The following SCML4 variants were observed in gnomAD, a reference collection of about 807,000 sequenced individuals.
SCML4 encodes the protein sex comb on midleg-like protein 4.
A neutral mutation model predicts 41.1 loss-of-function variants in SCML4; 34 were observed. That is an observed-to-expected ratio of 0.83 (90% CI 0.63 to 1.10). SCML4 has a LOEUF of 1.10. SCML4 is among the 50% of genes least tolerant of loss of function. The probability of loss-of-function intolerance (pLI) is 0.00; values close to 1 mark genes in which losing one functional copy is unlikely to be tolerated. For missense variants in SCML4, 522 were observed against 534.1 expected (o/e 0.98, Z 0.22); for synonymous variants, 214 against 220.9 (o/e 0.97, Z 0.28).
At chr6:107,776,510 A>G (rs1391525038) in intron 1 of SCML4, among the ~76,000 whole-genome samples, 1 of 152,232 alleles carries the variant, frequency 6.6e-6, no homozygotes, top group Admixed American at 6.5e-5. Flanking sequence ...CAACTCCCCC[A>G]AAAAGTAAAT....
At chr6:107,839,912 T>A in the SCML4 span, among the ~76,000 whole-genome samples, 1 of 152,040 alleles carries the variant, frequency 6.6e-6, no homozygotes, top group Admixed American at 6.5e-5. Flanking sequence ...TTTAAATATC[T>A]AAGTTGTAAT....
intron 1 of SCML4, among the ~76,000 whole-genome samples, chr6:107,792,162 G>A (rs1443763115): frequency 6.6e-6 from 1 of 152,186 alleles, no homozygotes; most frequent in Non-Finnish European, 1.5e-5. Flanking sequence ...GGATAACACT[G>A]TTGGGTAGAA....
chr6:107,747,042 C>T (rs559392481), intron 3 of SCML4, among the ~76,000 whole-genome samples, 153 bp from the exon 4 acceptor site: 2 of 152,324 alleles, frequency 1.3e-5, no homozygotes, highest in African/African-American at 4.8e-5. Context: ...TTCTTCCCAA[C>T]TTAAGAAGTA....
intron 1 of SCML4, among the ~76,000 whole-genome samples, chr6:107,801,302 G>A (rs1783103065): frequency 6.6e-6 from 1 of 152,018 alleles, no homozygotes; most frequent in African/African-American, 2.4e-5. Context: ...TTATACACAC[G>A]ATTCCCAACT....
intron 5 of SCML4, among the ~76,000 whole-genome samples, chr6:107,733,342 A>C (rs151210177): frequency 5.3e-5 from 8 of 152,340 alleles, no homozygotes; most frequent in African/African-American, 1.4e-4. Flanking sequence ...AGTAGCTAGG[A>C]TAGATCTGGT....
chr6:107,751,585 T>A (rs1286769082), intron 2 of SCML4, among the ~76,000 whole-genome samples: 1 of 105,510 alleles, frequency 9.5e-6, no homozygotes, highest in Non-Finnish European at 2.0e-5. Context: ...TTTCTTTCTT[T>A]CTTTCTTTCT....
chr6:107,719,865 ATACTC>A, intron 6 of SCML4: 1 of 982,550 alleles, frequency 1.0e-6, no homozygotes. Flanking sequence ...ATTATCCACT[ATACTC>A]TATGGCCTTT....
intron 1 of SCML4, among the ~76,000 whole-genome samples, chr6:107,784,010 A>T (rs1042004600): frequency 1.3e-5 from 2 of 152,096 alleles, no homozygotes; most frequent in African/African-American, 4.8e-5. Flanking sequence ...AGCTGCAGGG[A>T]CAGTGGCTGA....
chr6:107,717,437 G>A (rs1263365261), intron 6 of SCML4, among the ~76,000 whole-genome samples: 1 of 152,220 alleles, frequency 6.6e-6, no homozygotes, highest in Admixed American at 6.5e-5. Context: ...TCTCCAAAGA[G>A]GTTAGGTGGC....
chr6:107,757,762 T>C (rs1779232633), intron 2 of SCML4, among the ~76,000 whole-genome samples: 1 of 152,236 alleles, frequency 6.6e-6, no homozygotes, highest in African/African-American at 2.4e-5. Flanking sequence ...AGTATTATTA[T>C]TGTTACTTTT....
chr6:107,731,349 C>T (rs1776523933), intron 5 of SCML4, among the ~76,000 whole-genome samples: 1 of 152,196 alleles, frequency 6.6e-6, no homozygotes, highest in South Asian at 2.1e-4. Flanking sequence ...CAAATGAAGT[C>T]CTGAAACACA....
the SCML4 span, among the ~76,000 whole-genome samples, chr6:107,835,932 C>G: frequency 1.3e-5 from 2 of 152,092 alleles, no homozygotes; most frequent in Non-Finnish European, 2.9e-5. Context: ...AAGGTGTCCA[C>G]AGAAGTGAGA....
the SCML4 span, among the ~76,000 whole-genome samples, chr6:107,841,285 C>A: frequency 2.0e-5 from 3 of 152,150 alleles, no homozygotes; most frequent in Non-Finnish European, 2.9e-5. Flanking sequence ...CACTGGAAGA[C>A]CTCATTTCTA....
rs75314058 is a variant in SCML4, at chr6:107,748,488, A to G, written c.286+1196T>C. Among the ~76,000 whole-genome samples, 783 of 152,326 alleles carry G rather than the reference A, an allele frequency of 5.1e-3. 12 individuals carry two copies. In the East Asian group the frequency reaches 0.064, roughly 12 times the overall value. Reference sequence around the variant, plus strand: ...TTACTGATTTACTAATGAAGAAACTAAGGCTTAAAGAAGTTAGTAGACTGC... The same window carrying G: ...TTACTGATTTACTAATGAAGAAACTGAGGCTTAAAGAAGTTAGTAGACTGC... On this transcript the variant is annotated intron_variant, in intron 3 of 7. Coordinates refer to ENST00000369020, the MANE Select transcript of SCML4 (RefSeq NM_198081.5).
In SCML4 at chr6:107,720,778, G is replaced by A. The variant is rs745347222; in HGVS notation, c.898C>T (p.Pro300Ser). 3 of 1,613,096 alleles carry A rather than the reference G, an allele frequency of 1.9e-6. No homozygotes were observed. The South Asian group carries it at 3.3e-5, about 18-fold the overall frequency. The change falls in exon 6 of 8, where the codon CCC becomes TCC. Residue 300 changes from proline (P) to serine (S), a missense_variant. Coordinates refer to ENST00000369020, the MANE Select transcript of SCML4 (RefSeq NM_198081.5). ...PRTSPMSSGG[P>S]SAPGLRPPAS... Reference sequence around the variant, plus strand: ...GGAGGCCTCAGCCCAGGTGCCGAGGGGCCACCAGAAGACATGGGGCTAGTG... The same window carrying A: ...GGAGGCCTCAGCCCAGGTGCCGAGGAGCCACCAGAAGACATGGGGCTAGTG...
intron 1 of SCML4, among the ~76,000 whole-genome samples, chr6:107,791,824 CG>C (rs777929859): frequency 3.9e-5 from 6 of 151,974 alleles, no homozygotes; most frequent in African/African-American, 9.7e-5. Context: ...CGTGGTGGCT[CG>C]TGCCTGTAAT....
At chr6:107,808,386 G>A (rs1783905646) in intron 1 of SCML4, among the ~76,000 whole-genome samples, 1 of 152,148 alleles carries the variant, frequency 6.6e-6, no homozygotes, top group Non-Finnish European at 1.5e-5. Context: ...GGGAGCCAGG[G>A]TCCCAGGAGT....
intron 2 of SCML4, 130 bp from the exon 3 acceptor site, chr6:107,749,943 C>A: frequency 1.1e-6 from 1 of 902,640 alleles, no homozygotes; most frequent in Non-Finnish European, 1.7e-6. Flanking sequence ...CCTGCAGTTT[C>A]GGGGCCTGAG....
Position 107,779,053 on chromosome 6 carries a change from G to A in SCML4, c.-59-6667C>T, listed in dbSNP as rs558764543. Among the ~76,000 whole-genome samples, 18 of 152,118 alleles carry A rather than the reference G, an allele frequency of 1.2e-4. No individual in the cohort carries two copies. In the East Asian group the frequency reaches 1.7e-3, roughly 15 times the overall value. Reference sequence around the variant, plus strand: ...ACATTAGCCGGGCGTGGTGGCGGGCGCCTGTAGTCCCAGCTACTCCGGAGG... The same window carrying A: ...ACATTAGCCGGGCGTGGTGGCGGGCACCTGTAGTCCCAGCTACTCCGGAGG... On this transcript the variant is annotated intron_variant, in intron 1 of 7. Coordinates refer to ENST00000369020, the MANE Select transcript of SCML4 (RefSeq NM_198081.5).
Sources: allele counts gnomAD v4.1 joint callset (sites outside exome capture counted in the v4.1 genomes callset), GRCh38; gene constraint gnomAD v4.1.1; transcripts MANE v1.5; gene names NCBI Gene and HGNC (gene_info 2026-07-23, HGNC 2026-07-21).